HPSE2: variants seen among roughly 807,000 people sequenced by gnomAD.
HPSE2 encodes heparanase 2 (inactive).
In HPSE2, 38 loss-of-function variants were observed where a neutral mutation model predicts 60.5. That is an observed-to-expected ratio of 0.63 (90% CI 0.48 to 0.82). The LOEUF is 0.82. Ranked by LOEUF, HPSE2 falls within the 40% of genes least tolerant of loss-of-function variation. The pLI is 0.00. For synonymous variants in HPSE2, 295 were observed against 293.2 expected (o/e 1.01, Z -0.06); for missense variants, 713 against 740.4 (o/e 0.96, Z 0.43).
chr10:98,861,263 G>C (rs1317244679), intron 3 of HPSE2, among the ~76,000 whole-genome samples: 1 of 152,192 alleles, frequency 6.6e-6, no homozygotes, highest in African/African-American at 2.4e-5. Flanking sequence ...GATCAAGCCA[G>C]AGAAACAGAA....
chr10:98,714,727 T>C (rs10786460), intron 5 of HPSE2, among the ~76,000 whole-genome samples: 30,321 of 151,804 alleles, frequency 0.2, 3,393 homozygotes, highest in East Asian at 0.38. Flanking sequence ...CTTATGTTAA[T>C]TACATTTAAC....
intron 7 of HPSE2, among the ~76,000 whole-genome samples, chr10:98,629,377 C>A (rs894296810): frequency 5.9e-5 from 9 of 152,212 alleles, no homozygotes; most frequent in Admixed American, 6.5e-5. Context: ...GCTTCTTAAA[C>A]CTTACCTACA....
chr10:99,128,795 T>C (rs1490392743), intron 3 of HPSE2, among the ~76,000 whole-genome samples: 1 of 152,136 alleles, frequency 6.6e-6, no homozygotes. Flanking sequence ...TGTTTACCTA[T>C]GTAACAAATA....
intron 3 of HPSE2, among the ~76,000 whole-genome samples, chr10:98,795,417 T>C (rs1319162884): frequency 2.0e-5 from 3 of 152,182 alleles, no homozygotes; most frequent in Non-Finnish European, 4.4e-5. Context: ...AGTGCTGCCT[T>C]GTCACAGAGA....
intron 2 of HPSE2, among the ~76,000 whole-genome samples, chr10:99,149,234 A>G (rs1352563237): frequency 6.6e-6 from 1 of 152,104 alleles, no homozygotes; most frequent in African/African-American, 2.4e-5. Flanking sequence ...GCTGTCAAAT[A>G]AGGAAAAGGA....
chr10:99,303,223 C>G, the HPSE2 span, among the ~76,000 whole-genome samples: 1 of 152,156 alleles, frequency 6.6e-6, no homozygotes, highest in Non-Finnish European at 1.5e-5. Context: ...CGGAAGATCT[C>G]AGAGGCCTGG....
chr10:98,969,539 T>C (rs1347870585), intron 3 of HPSE2, among the ~76,000 whole-genome samples: 1 of 152,150 alleles, frequency 6.6e-6, no homozygotes, highest in Non-Finnish European at 1.5e-5. Context: ...TTCATGTTTC[T>C]TTTTTTATCT....
At chr10:99,282,195 C>G in the HPSE2 span, among the ~76,000 whole-genome samples, 1 of 151,964 alleles carries the variant, frequency 6.6e-6, no homozygotes, top group East Asian at 1.9e-4. Context: ...GGAGGGGGAG[C>G]TTGCAGTGAG....
At chr10:98,484,749 C>G (rs971879452) in intron 10 of HPSE2, among the ~76,000 whole-genome samples, 8 of 152,130 alleles carry the variant, frequency 5.3e-5, no homozygotes, top group Non-Finnish European at 1.0e-4. Context: ...AACTATTCAC[C>G]ATTTTGGAAT....
intron 3 of HPSE2, among the ~76,000 whole-genome samples, chr10:98,979,221 G>C (rs1956154563): frequency 6.6e-6 from 1 of 152,108 alleles, no homozygotes. Flanking sequence ...CTAGGGTACT[G>C]CTGGCCATGA....
chr10:99,100,434 T>C (rs1843914201), intron 3 of HPSE2, among the ~76,000 whole-genome samples: 1 of 151,732 alleles, frequency 6.6e-6, no homozygotes, highest in African/African-American at 2.4e-5. Flanking sequence ...AGAAGAGAAG[T>C]TTAGAGAAAA....
chr10:98,797,706 T>A (rs1271132076), intron 3 of HPSE2, among the ~76,000 whole-genome samples: 2 of 151,378 alleles, frequency 1.3e-5, no homozygotes, highest in Non-Finnish European at 2.9e-5. Flanking sequence ...TAGCCGAGCG[T>A]GGTGGTGGGC....
intron 3 of HPSE2, among the ~76,000 whole-genome samples, chr10:98,905,850 G>T (rs1323082481): frequency 2.0e-5 from 3 of 152,134 alleles, no homozygotes; most frequent in African/African-American, 7.2e-5. Flanking sequence ...AGAGACAATG[G>T]AACACAATGC....
intron 10 of HPSE2, 40 bp downstream of exon 10, chr10:98,490,011 C>A (rs374381360): frequency 6.2e-7 from 1 of 1,612,942 alleles, no homozygotes; most frequent in Non-Finnish European, 8.5e-7. Flanking sequence ...GGGGTGGGAG[C>A]CCCTCAGGTG....
At chr10:98,681,567 T>C (rs1947788591) in intron 6 of HPSE2, among the ~76,000 whole-genome samples, 1 of 152,176 alleles carries the variant, frequency 6.6e-6, no homozygotes, top group African/African-American at 2.4e-5. Context: ...TTTAAGAAAC[T>C]ATCACTTGTT....
At chr10:99,023,516 G>T (rs1053474112) in intron 3 of HPSE2, among the ~76,000 whole-genome samples, 1 of 152,094 alleles carries the variant, frequency 6.6e-6, no homozygotes, top group African/African-American at 2.4e-5. Context: ...GAGTAGCCAG[G>T]GAGTGGATAT....
At chr10:98,890,172 A>G (rs1213895903) in intron 3 of HPSE2, among the ~76,000 whole-genome samples, 1 of 152,196 alleles carries the variant, frequency 6.6e-6, no homozygotes, top group Non-Finnish European at 1.5e-5. Flanking sequence ...AGTACTGAAA[A>G]CATGTAAGTT....
At chr10:98,624,395 TG>T (rs1214163737) in intron 7 of HPSE2, among the ~76,000 whole-genome samples, 1 of 151,984 alleles carries the variant, frequency 6.6e-6, no homozygotes, top group Admixed American at 6.6e-5. Flanking sequence ...GGACCTCAGG[TG>T]GAAATAGGTC....
chr10:99,132,169 GAA>G (rs1187091243), intron 3 of HPSE2, among the ~76,000 whole-genome samples: 1 of 8,036 alleles, frequency 1.2e-4, no homozygotes, highest in Admixed American at 1.2e-3. Flanking sequence ...AAGAAAGAAA[GAA>G]AGAAAGAAAG....
Sources: gnomAD v4.1 joint callset for allele counts (sites outside exome capture counted in the v4.1 genomes callset) on GRCh38, gnomAD v4.1.1 for gene constraint, MANE v1.5 for transcripts, NCBI Gene and HGNC (gene_info 2026-07-23, HGNC 2026-07-21) for gene names.